Variants in ASIP observed in about 807,000 individuals in gnomAD.
ASIP encodes agouti-signaling protein.
In ASIP, 11 loss-of-function variants were observed where a neutral mutation model predicts 10.3. The observed-to-expected ratio is 1.07, with a 90% CI of 0.68 to 1.78. ASIP has a LOEUF of 1.78. ASIP is among the 40% of genes most tolerant of loss of function. ASIP has a pLI of 0.00. For synonymous variants in ASIP, 70 were observed against 70.8 expected (o/e 0.99, Z 0.06); for missense variants, 180 against 169.2 (o/e 1.06, Z -0.35).
At chr20:34,227,674 G>A (rs1339336798) in intron 1 of ASIP, among the ~76,000 whole-genome samples, 1 of 151,596 alleles carries the variant, frequency 6.6e-6, no homozygotes. Flanking sequence ...TGGATCAGAG[G>A]ACTCAATATT....
intron 1 of ASIP, among the ~76,000 whole-genome samples, chr20:34,255,777 G>C (rs577106991): frequency 7.0e-4 from 107 of 152,208 alleles, no homozygotes; most frequent in Non-Finnish European, 1.0e-3. Flanking sequence ...GGGCTTCCTG[G>C]TCTAGCAGTA....
Position 34,201,017 on chromosome 20 carries a change from C to CTTCTTTCTTTCTTTCTTTCTTTCT in ASIP, c.-11+6280_-11+6303dup, listed in dbSNP as rs1215561275. Reference sequence around the variant, plus strand: ...CCTTCCTTCCTTCCTTCCTTCCTTCCTTCTTTCTTTCTTTCTTTCTTTCTT... The same window carrying CTTCTTTCTTTCTTTCTTTCTTTCT: ...CCTTCCTTCCTTCCTTCCTTCCTTCCTTCTTTCTTTCTTTCTTTCTTTCTTTCTTTCTTTCTTTCTTTCTTTCTT... On this transcript the variant is annotated intron_variant, in intron 1 of 3. Coordinates refer to the ASIP transcript ENST00000568305. 9.6e-4 allele frequency among the ~76,000 whole-genome samples: 61 copies of CTTCTTTCTTTCTTTCTTTCTTTCT among 63,428 alleles called. 2 individuals carry two copies. The highest frequency in any genetic ancestry group is 1.2e-3 in the Non-Finnish European group (39 of 32,498). 41.6% of individuals were successfully genotyped at this position (63,428 alleles called of 152,430 possible).
chr20:34,254,906 C>A (rs2035542342), intron 1 of ASIP, among the ~76,000 whole-genome samples: 1 of 152,154 alleles, frequency 6.6e-6, no homozygotes, highest in Non-Finnish European at 1.5e-5. Context: ...TGAGACTTTA[C>A]CAATCCAAGA....
intron 1 of ASIP, among the ~76,000 whole-genome samples, chr20:34,201,667 G>A (rs1275628567): frequency 6.6e-6 from 1 of 152,166 alleles, no homozygotes; most frequent in Admixed American, 6.5e-5. Context: ...GAGGGAATGT[G>A]GTTTGTCACA....
rs749605159 is a variant in ASIP at position 34,262,852 on chromosome 20, C to A, written c.181C>A (p.Gln61Lys). The change falls in exon 3 of 4, where the codon CAG becomes AAG. Residue 61 changes from glutamine to lysine, a missense_variant. By Grantham distance (53) the Gln-to-Lys change is moderately conservative. Transcript: ENST00000374954. ...SIVALNKKSK[Q>K]IGRKAAEKKR... ...TGAAGCGCTGAACAAGAAATCCAAA[C>A]AGATCGGCAGAAAAGCAGCAGAAAA... 13 of 1,613,912 alleles carry A rather than the reference C, an allele frequency of 8.1e-6. No homozygotes were observed. In the Admixed American group the frequency reaches 2.2e-4, roughly 27 times the overall value.
upstream of ASIP, among the ~76,000 whole-genome samples, chr20:34,236,646 T>G (rs1388847298): frequency 6.6e-6 from 1 of 151,764 alleles, no homozygotes; most frequent in Non-Finnish European, 1.5e-5. Context: ...AGCCCAGGAG[T>G]TTGAAACCAG....
At chr20:34,233,019 CCTT>C (rs748353771) in intron 1 of ASIP, among the ~76,000 whole-genome samples, 2 of 152,164 alleles carry the variant, frequency 1.3e-5, no homozygotes, top group Non-Finnish European at 1.5e-5. Flanking sequence ...TCGTTGTTCT[CCTT>C]CCACAGCTAC....
chr20:34,190,830 A>C (rs574519457), upstream of ASIP, among the ~76,000 whole-genome samples: 2 of 152,186 alleles, frequency 1.3e-5, no homozygotes, highest in Non-Finnish European at 2.9e-5. Flanking sequence ...AGGAGCCCCA[A>C]TCCTGAGCAA....
At chr20:34,224,645 G>C (rs1446514708) in intron 1 of ASIP, among the ~76,000 whole-genome samples, 3 of 151,200 alleles carry the variant, frequency 2.0e-5, no homozygotes, top group African/African-American at 7.3e-5. Context: ...AAGCAAGACA[G>C]CCAAAGAGGA....
At chr20:34,214,307 G>A (rs765619868) in intron 1 of ASIP, 40 of 1,348,378 alleles carry the variant, frequency 3.0e-5, no homozygotes, top group Non-Finnish European at 3.7e-5. Context: ...CACATGGAAC[G>A]TGCTGAGGTT....
At chr20:34,224,688 C>T (rs866837772) in intron 1 of ASIP, among the ~76,000 whole-genome samples, 1 of 151,628 alleles carries the variant, frequency 6.6e-6, no homozygotes, top group African/African-American at 2.4e-5. Flanking sequence ...ACTTCTGAGG[C>T]GACTCTAATG....
upstream of ASIP, among the ~76,000 whole-genome samples, chr20:34,239,132 C>G (rs2035249786): frequency 6.6e-6 from 1 of 152,138 alleles, no homozygotes; most frequent in African/African-American, 2.4e-5. Flanking sequence ...TCTTTCCCTG[C>G]TTTTTCTTTT....
chr20:34,220,174 C>T (rs1229606704), intron 1 of ASIP, among the ~76,000 whole-genome samples: 1 of 152,136 alleles, frequency 6.6e-6, no homozygotes, highest in Non-Finnish European at 1.5e-5. Flanking sequence ...ACGTGTAGAA[C>T]TGACATACCC....
At chr20:34,207,452 G>A (rs991008920) in intron 1 of ASIP, among the ~76,000 whole-genome samples, 32 of 152,172 alleles carry the variant, frequency 2.1e-4, no homozygotes, top group Admixed American at 4.6e-4. Context: ...TGACTAGTGT[G>A]TATTAATATT....
At chr20:34,195,481 G>A (rs2085861683) in intron 1 of ASIP, among the ~76,000 whole-genome samples, 1 of 152,206 alleles carries the variant, frequency 6.6e-6, no homozygotes, top group South Asian at 2.1e-4. Context: ...AAGGATCAGG[G>A]CACTTACGCT....
upstream of ASIP, among the ~76,000 whole-genome samples, chr20:34,189,995 G>A (rs996069834): frequency 1.3e-5 from 2 of 152,170 alleles, no homozygotes; most frequent in Non-Finnish European, 2.9e-5. Flanking sequence ...ATAAGCTCCC[G>A]CTGCAGAGCT....
intron 1 of ASIP, among the ~76,000 whole-genome samples, chr20:34,222,009 C>G (rs866459537): frequency 2.6e-5 from 4 of 152,080 alleles, no homozygotes; most frequent in Admixed American, 6.6e-5. Flanking sequence ...ACTTGGGAGG[C>G]TGAAGTGGGA....
intron 2 of ASIP, 141 bp downstream of exon 2, chr20:34,260,675 G>A (rs1023686658): frequency 8.8e-6 from 9 of 1,027,126 alleles, no homozygotes; most frequent in Non-Finnish European, 1.2e-5. Context: ...GGGAGAATAA[G>A]GTGGCCCTTG....
intron 1 of ASIP, among the ~76,000 whole-genome samples, chr20:34,198,854 T>C (rs545300887): frequency 1.3e-5 from 2 of 152,184 alleles, no homozygotes; most frequent in South Asian, 2.1e-4. Context: ...ATTTTCACTA[T>C]GTGAACACTC....
Sources: allele counts gnomAD v4.1 joint callset (sites outside exome capture counted in the v4.1 genomes callset), GRCh38; gene constraint gnomAD v4.1.1; transcripts MANE v1.5; gene names NCBI Gene and HGNC (gene_info 2026-07-23, HGNC 2026-07-21).